The following KIR3DL1 variants were observed in gnomAD, a reference collection of about 807,000 sequenced individuals.
KIR3DL1 encodes killer cell immunoglobulin-like receptor 3DL1.
A neutral mutation model predicts 40.3 loss-of-function variants in KIR3DL1; 50 were observed. The ratio of observed to expected loss-of-function variants is 1.24; its 90% CI spans 0.99 to 1.57. KIR3DL1 has a LOEUF of 1.57. KIR3DL1 is among the 40% of genes most tolerant of loss of function. The pLI, the probability that KIR3DL1 is intolerant of heterozygous loss-of-function variation, is 0.00. For missense variants in KIR3DL1, 661 were observed against 559.9 expected, an observed-to-expected ratio of 1.18 and a Z score of -1.82; for synonymous variants, 257 against 207.2, an observed-to-expected ratio of 1.24 and a Z score of -2.07.
exon 3 of KIR3DL1, chr19:54,818,413 A>G (rs1405748120): frequency 6.2e-7 from 1 of 1,607,684 alleles, no homozygotes; most frequent in South Asian, 1.1e-5. Context: ...TAGGTTTAAC[A>G]ATTTCATGCT....
chr19:54,830,276 G>A, exon 9 of KIR3DL1: 1 of 1,523,704 alleles, frequency 6.6e-7, no homozygotes, highest in South Asian at 1.3e-5. Flanking sequence ...CTGCCCATGA[G>A]CACCACAGTC....
rs533373692 is a variant in KIR3DL1, at chr19:54,817,924, G to C, written c.70+355G>C. 2.4e-3 allele frequency among the ~76,000 whole-genome samples: 342 copies of C among 143,030 alleles called. 22 individuals are homozygous for C. Among genetic ancestry groups the C allele is most frequent in the African/African-American group, 9.0e-3 (326 of 36,198 alleles). The allele number at this position is 143,030 out of a possible 152,430, so 93.8% of individuals were successfully genotyped here. A position where few individuals can be genotyped will look rare whatever the true frequency, so the allele number is the denominator to read the frequency against. ...ATGGTAGGGGCTGCAGTGTGGCTGC[G>C]GTCTTTCTACCAGAAAAGGTGAGGA... On this transcript the variant is annotated intron_variant, in intron 2 of 8. Coordinates refer to ENST00000391728, the Ensembl canonical transcript of KIR3DL1.
chr19:54,827,822 C>T (rs2061983289), intron 6 of KIR3DL1, among the ~76,000 whole-genome samples: 1 of 150,532 alleles, frequency 6.6e-6, no homozygotes, highest in Non-Finnish European at 1.5e-5. Flanking sequence ...CCGCTGAATC[C>T]TCCAGCACAA....
intron 6 of KIR3DL1, 124 bp from the exon 7 acceptor site, chr19:54,829,237 G>A (rs1342867847): frequency 1.6e-4 from 129 of 792,914 alleles, no homozygotes; most frequent in Middle Eastern, 3.0e-4. Flanking sequence ...TAGATCTCCC[G>A]CCATCTGGGT....
chr19:54,820,855 A>G (rs1369948424), intron 4 of KIR3DL1, among the ~76,000 whole-genome samples: 1 of 151,282 alleles, frequency 6.6e-6, no homozygotes, highest in Non-Finnish European at 1.5e-5. Flanking sequence ...AAATAGAACT[A>G]GAGAGACTGA....
At chr19:54,818,836 A>C (rs1191353864) in intron 3 of KIR3DL1, among the ~76,000 whole-genome samples, 1 of 150,766 alleles carries the variant, frequency 6.6e-6, no homozygotes, top group African/African-American at 2.5e-5. Context: ...ACTGAAGGGG[A>C]AGGTGGAGCT....
At chr19:54,821,687 G>C in exon 5 of KIR3DL1, 2 of 1,609,760 alleles carry the variant, frequency 1.2e-6, no homozygotes, top group Non-Finnish European at 1.7e-6. Flanking sequence ...CAGGGAGGGG[G>C]GAGCCCATGA....
chr19:54,821,366 G>T (rs1317099704), intron 4 of KIR3DL1, among the ~76,000 whole-genome samples, 199 bp from the exon 5 acceptor site: 1 of 151,098 alleles, frequency 6.6e-6, no homozygotes, highest in Non-Finnish European at 1.5e-5. Context: ...ATACCTCAGG[G>T]TGGGGAAGTG....
exon 9 of KIR3DL1, chr19:54,830,423 G>C: frequency 1.0e-6 from 1 of 986,760 alleles, no homozygotes; most frequent in Non-Finnish European, 1.5e-6. Flanking sequence ...CCACAAATCT[G>C]GTGCCTCTCT....
rs537735420 is a variant in KIR3DL1 at position 54,824,951 on chromosome 19, A to T, written c.950-77A>T. ...ATTAGATAACAGAGTGTTGGCCATGAACCAACCTCAAAGATTTCCATTGAG... is the reference window on the plus strand; with the variant it reads ...ATTAGATAACAGAGTGTTGGCCATGTACCAACCTCAAAGATTTCCATTGAG... On this transcript the variant is annotated intron_variant, in intron 5 of 8. Transcript: ENST00000391728. 4.8e-6 allele frequency: 5 copies of T among 1,047,960 alleles called. 1 individual carries two copies. In the East Asian group the frequency reaches 9.5e-5, roughly 20 times the overall value. The allele number at this position is 1,047,960 out of a possible 1,614,324, so 64.9% of individuals were successfully genotyped here. A position where few individuals can be genotyped will look rare whatever the true frequency, so the allele number is the denominator to read the frequency against.
rs2061722596 is a variant in KIR3DL1, at chr19:54,823,148, A to C, written c.949+1290A>C. Reference sequence around the variant, plus strand: ...CTCCTAGGTTCAAATGATTGTCCTGACTCAGCCTCCCTAGTAGCTGTGATT... The same window carrying C: ...CTCCTAGGTTCAAATGATTGTCCTGCCTCAGCCTCCCTAGTAGCTGTGATT... On this transcript the variant is annotated intron_variant, in intron 5 of 8. Transcript: ENST00000391728. Among the ~76,000 whole-genome samples, 4 of 150,222 alleles carry C rather than the reference A, an allele frequency of 2.7e-5. No individual in the cohort carries two copies. The South Asian group carries it at 8.5e-4, about 32-fold the overall frequency.
At chr19:54,820,520 T>A (rs673316) in intron 4 of KIR3DL1, among the ~76,000 whole-genome samples, 28,286 of 151,126 alleles carry the variant, frequency 0.19, 3,169 homozygotes, top group South Asian at 0.32. Context: ...TCATGGCCCC[T>A]GAACACCAAC....
intron 5 of KIR3DL1, 133 bp downstream of exon 5, chr19:54,821,991 C>A: frequency 8.9e-7 from 1 of 1,118,144 alleles, no homozygotes; most frequent in Non-Finnish European, 1.3e-6. Context: ...GGAGTCAGGG[C>A]GCAGGATGGC....
At chr19:54,822,422 C>T (rs528836847) in intron 5 of KIR3DL1, among the ~76,000 whole-genome samples, 1 of 151,018 alleles carries the variant, frequency 6.6e-6, no homozygotes, top group African/African-American at 2.4e-5. Flanking sequence ...ATCAGGAACT[C>T]GAGATCACCC....
At chr19:54,827,017 C>T (rs1401615496) in intron 6 of KIR3DL1, among the ~76,000 whole-genome samples, 2 of 151,732 alleles carry the variant, frequency 1.3e-5, no homozygotes, top group South Asian at 2.1e-4. Flanking sequence ...GGCCCAGGTG[C>T]GTAACTGGAA....
rs1362508074 is a variant in KIR3DL1 at position 54,817,408 on chromosome 19, G to A, written c.35-126G>A. The A allele has an allele frequency of 6.5e-5, 52 of 804,500 alleles. 3 individuals are homozygous for A. The South Asian group carries it at 6.9e-4, about 11-fold the overall frequency. 49.8% of individuals were successfully genotyped at this position (804,500 alleles called of 1,614,324 possible). ...GATCCTTGTTCCTGGGGGCAGGTAG[G>A]CAGCGAGGGTGAGTTTACCTTCAGC... On this transcript the variant is annotated intron_variant, in intron 1 of 8. Transcript: ENST00000391728.
rs1262508162 is a variant in KIR3DL1, at chr19:54,818,294, C to A, written c.71-21C>A. 8.2e-6 allele frequency: 13 copies of A among 1,587,404 alleles called. No individual in the cohort carries two copies. The South Asian group carries it at 1.2e-4, about 15-fold the overall frequency. On this transcript the variant is annotated intron_variant, in intron 2 of 8. Coordinates refer to ENST00000391728, the Ensembl canonical transcript of KIR3DL1. ...CGGCTCCACATCCTCCTCTCTAAGG[C>A]AGTGCCTCCTTCTCCCCCAGGTGGT...
chr19:54,821,499 C>G (rs2061631108), intron 4 of KIR3DL1, 66 bp from the exon 5 acceptor site: 1 of 1,529,890 alleles, frequency 6.5e-7, no homozygotes. Flanking sequence ...GAGTTCTCAG[C>G]TCAGGTATGA....
intron 4 of KIR3DL1, 70 bp downstream of exon 4, chr19:54,820,082 C>T: frequency 6.6e-7 from 1 of 1,512,002 alleles, no homozygotes; most frequent in Non-Finnish European, 9.1e-7. Flanking sequence ...CTTGGAACCC[C>T]CAGGTGGTCA....
Sources: allele counts gnomAD v4.1 joint callset (sites outside exome capture counted in the v4.1 genomes callset), GRCh38; gene constraint gnomAD v4.1.1; transcripts MANE v1.5; gene names NCBI Gene and HGNC (gene_info 2026-07-23, HGNC 2026-07-21).